Variants in PTN observed in about 807,000 individuals in gnomAD.
The protein encoded by PTN is pleiotrophin, also known as heparin affin regulatory protein.
PTN carries 18 observed loss-of-function variants against 24.1 expected under a neutral mutation model. That is an observed-to-expected ratio of 0.75 (90% CI 0.52 to 1.11). The LOEUF is 1.11. Among genes scored for constraint, PTN ranks in the 50% least tolerant of loss-of-function variants. The probability of loss-of-function intolerance (pLI) is 0.00; values close to 1 mark genes in which losing one functional copy is unlikely to be tolerated. For synonymous variants in PTN, 78 were observed against 68.6 expected (o/e 1.14, Z -0.67); for missense variants, 163 against 198.8 (o/e 0.82, Z 1.08).
rs545299891 is a variant in PTN, at chr7:137,332,068, T to C, written c.-2+11371A>G. ...CCGAGCTAAATAAATTGAATTTCCA[T>C]CTTAATTGGCTCATTTGGTAGAATC... On this transcript the variant is annotated intron_variant, in intron 1 of 4. Transcript: ENST00000348225. Among the ~76,000 whole-genome samples the C allele has an allele frequency of 1.9e-4, 29 of 152,344 alleles. No individual in the cohort carries two copies. The South Asian group carries it at 5.8e-3, about 30-fold the overall frequency.
intron 1 of PTN, among the ~76,000 whole-genome samples, chr7:137,257,173 CT>C (rs1808942375): frequency 6.6e-6 from 1 of 152,082 alleles, no homozygotes; most frequent in African/African-American, 2.4e-5. Context: ...AATTTTTTCC[CT>C]GAATCACAAG....
intron 1 of PTN, among the ~76,000 whole-genome samples, chr7:137,337,312 G>A (rs1206976983): frequency 6.6e-6 from 1 of 152,142 alleles, no homozygotes; most frequent in Non-Finnish European, 1.5e-5. Flanking sequence ...TTATATTACA[G>A]AGGAATAAAC....
intron 1 of PTN, among the ~76,000 whole-genome samples, chr7:137,298,343 C>T (rs1809752171): frequency 1.3e-5 from 2 of 151,842 alleles, no homozygotes; most frequent in African/African-American, 4.8e-5. Context: ...TACTGAGTTT[C>T]TGATTAAATA....
chr7:137,333,427 C>T (rs1461571616), intron 1 of PTN, among the ~76,000 whole-genome samples: 16 of 152,138 alleles, frequency 1.1e-4, no homozygotes, highest in Admixed American at 1.0e-3. Context: ...AAGACTGTTA[C>T]CACAATATGT....
intron 1 of PTN, among the ~76,000 whole-genome samples, chr7:137,266,860 T>C (rs1188319110): frequency 1.4e-5 from 2 of 140,758 alleles, no homozygotes; most frequent in Non-Finnish European, 3.0e-5. Flanking sequence ...AGAATTTGTA[T>C]AGATGGCCTT....
At chr7:137,314,794 C>T (rs1810043300) in intron 1 of PTN, among the ~76,000 whole-genome samples, 1 of 152,036 alleles carries the variant, frequency 6.6e-6, no homozygotes, top group Non-Finnish European at 1.5e-5. Flanking sequence ...GGGCTTTCAA[C>T]ATGTTGGCCA....
At chr7:137,320,603 T>C (rs899302798) in intron 1 of PTN, among the ~76,000 whole-genome samples, 1 of 152,174 alleles carries the variant, frequency 6.6e-6, no homozygotes, top group Non-Finnish European at 1.5e-5. Flanking sequence ...GGTGTTTAGA[T>C]AGGAGAAAGA....
intron 1 of PTN, among the ~76,000 whole-genome samples, chr7:137,297,426 G>A (rs1416784934): frequency 1.3e-5 from 2 of 152,064 alleles, no homozygotes; most frequent in Non-Finnish European, 2.9e-5. Flanking sequence ...TGGATGCATT[G>A]AGGATAATTT....
intron 4 of PTN, among the ~76,000 whole-genome samples, chr7:137,250,660 C>A (rs780189063): frequency 1.3e-5 from 2 of 152,150 alleles, no homozygotes; most frequent in Non-Finnish European, 1.5e-5. Flanking sequence ...GAGAGCAGAG[C>A]CTGACTTTCT....
At chr7:137,262,812 A>G (rs1454461254) in intron 1 of PTN, among the ~76,000 whole-genome samples, 2 of 152,210 alleles carry the variant, frequency 1.3e-5, no homozygotes, top group Non-Finnish European at 2.9e-5. Context: ...ATAGATAACA[A>G]CAGTTGCTAG....
intron 1 of PTN, chr7:137,318,701 G>A (rs1810113465): frequency 6.6e-6 from 1 of 152,046 alleles, no homozygotes; most frequent in Non-Finnish European, 1.5e-5. Flanking sequence ...TCACCATGAA[G>A]TTGTAAACAC....
intron 1 of PTN, among the ~76,000 whole-genome samples, chr7:137,289,815 C>A (rs189620425): frequency 6.6e-6 from 1 of 152,304 alleles, no homozygotes; most frequent in Admixed American, 6.5e-5. Context: ...AGTTCAACCA[C>A]CATCTTGATT....
intron 1 of PTN, among the ~76,000 whole-genome samples, chr7:137,342,399 A>G (rs1810548008): frequency 6.6e-6 from 1 of 152,150 alleles, no homozygotes; most frequent in African/African-American, 2.4e-5. Flanking sequence ...CGCAGCTTTA[A>G]TATTTTCTCC....
intron 4 of PTN, among the ~76,000 whole-genome samples, chr7:137,235,956 C>G (rs529717550): frequency 6.6e-6 from 1 of 152,144 alleles, no homozygotes; most frequent in African/African-American, 2.4e-5. Context: ...TTGTCCCCCC[C>G]ACTCACTTTG....
At chr7:137,330,600 G>A (rs1179759999) in intron 1 of PTN, among the ~76,000 whole-genome samples, 4 of 152,122 alleles carry the variant, frequency 2.6e-5, no homozygotes, top group East Asian at 3.9e-4. Flanking sequence ...AAAACAATGC[G>A]TTAGACGGTA....
At chr7:137,280,898 C>CA (rs1563210888) in intron 1 of PTN, among the ~76,000 whole-genome samples, 1 of 146,832 alleles carries the variant, frequency 6.8e-6, no homozygotes, top group Non-Finnish European at 1.5e-5. Flanking sequence ...AGGAAATTTT[C>CA]AAAAAAATAA....
rs146378282 is a variant in PTN, at chr7:137,327,770, A to G, written c.-2+15669T>C. Among the ~76,000 whole-genome samples, 300 of 152,294 alleles carry G rather than the reference A, an allele frequency of 2.0e-3. 3 individuals are homozygous for G. The highest frequency in any genetic ancestry group is 6.8e-3 in the African/African-American group (282 of 41,574). ...ATTTTACATTTGATTTTCCAGCTCT[A>G]AGTCTGCTTTGTCCCCTTTTATGAG... On this transcript the variant is annotated intron_variant, in intron 1 of 4. Coordinates refer to ENST00000348225, the MANE Select transcript of PTN (RefSeq NM_002825.7).
chr7:137,255,453 G>A (rs140310889), intron 1 of PTN, among the ~76,000 whole-genome samples: 3 of 152,284 alleles, frequency 2.0e-5, no homozygotes, highest in African/African-American at 7.2e-5. Flanking sequence ...TATGTTTACT[G>A]TTTCTATTTA....
Position 137,272,272 on chromosome 7 carries a change from C to T in PTN, c.-1-17298G>A, listed in dbSNP as rs147558474. 2.5e-4 allele frequency among the ~76,000 whole-genome samples: 38 copies of T among 152,314 alleles called. No homozygotes were observed. In the East Asian group the frequency reaches 5.2e-3, roughly 21 times the overall value. ...TCAGTCTGTCTTTTCCACTCCTGCACCCGATCTATCTATCTTTAGCCAGAA... is the reference window on the plus strand; with the variant it reads ...TCAGTCTGTCTTTTCCACTCCTGCATCCGATCTATCTATCTTTAGCCAGAA... On this transcript the variant is annotated intron_variant, in intron 1 of 4. Coordinates refer to ENST00000348225, the MANE Select transcript of PTN (RefSeq NM_002825.7).
Sources: gnomAD v4.1 joint callset for allele counts (sites outside exome capture counted in the v4.1 genomes callset) on GRCh38, gnomAD v4.1.1 for gene constraint, MANE v1.5 for transcripts, NCBI Gene and HGNC (gene_info 2026-07-23, HGNC 2026-07-21) for gene names.